The following TRIP12 variants were observed in gnomAD, a reference collection of about 807,000 sequenced individuals.
TRIP12 encodes the protein thyroid hormone receptor interactor 12, also known as E3 ubiquitin-protein ligase TRIP12.
A neutral mutation model predicts 244.2 loss-of-function variants in TRIP12; 25 were observed. The ratio of observed to expected loss-of-function variants is 0.10; its 90% CI spans 0.07 to 0.14. The LOEUF (loss-of-function observed/expected upper bound fraction) is 0.14, where lower values mean the gene tolerates loss of function less well. Among genes scored for constraint, TRIP12 ranks in the 10% least tolerant of loss-of-function variants. The pLI, the probability that TRIP12 is intolerant of heterozygous loss-of-function variation, is 1.00. For missense variants in TRIP12, 1,677 were observed against 2,486.4 expected (o/e 0.67, Z 6.92); for synonymous variants, 905 against 873.1 (o/e 1.04, Z -0.64).
chr2:229,867,926 C>T (rs2061869313), intron 2 of TRIP12, among the ~76,000 whole-genome samples: 1 of 152,190 alleles, frequency 6.6e-6, no homozygotes, highest in Non-Finnish European at 1.5e-5. Context: ...ACGGGTACTA[C>T]TAAGAATCAA....
intron 1 of TRIP12, among the ~76,000 whole-genome samples, chr2:229,908,863 G>A (rs1038364737): frequency 4.6e-5 from 7 of 151,932 alleles, no homozygotes; most frequent in African/African-American, 9.7e-5. Context: ...AGGCCGAGGC[G>A]GGCAGATCAC....
intron 1 of TRIP12, among the ~76,000 whole-genome samples, chr2:229,893,990 T>A (rs2068053537): frequency 6.6e-6 from 1 of 152,092 alleles, no homozygotes; most frequent in Non-Finnish European, 1.5e-5. Context: ...TGGCCATCTC[T>A]GCTAAAAATA....
chr2:229,852,605 A>G (rs1180103820), intron 4 of TRIP12, among the ~76,000 whole-genome samples: 1 of 152,216 alleles, frequency 6.6e-6, no homozygotes, highest in Admixed American at 6.5e-5. Flanking sequence ...TTGTTACATA[A>G]CAATTTTCTT....
At chr2:229,807,577 A>G in intron 17 of TRIP12, 131 bp downstream of exon 17, 1 of 1,193,074 alleles carries the variant, frequency 8.4e-7, no homozygotes. Flanking sequence ...TTCTCAGGAG[A>G]CAAAATGAGA....
intron 37 of TRIP12, among the ~76,000 whole-genome samples, chr2:229,775,310 A>G (rs1273911710): frequency 1.1e-4 from 16 of 151,488 alleles, no homozygotes; most frequent in Middle Eastern, 3.2e-3. Context: ...GCCTCTCTCC[A>G]TTTTAGGTGT....
chr2:229,863,294 T>G (rs2060780615), intron 2 of TRIP12, among the ~76,000 whole-genome samples: 1 of 150,978 alleles, frequency 6.6e-6, no homozygotes. Flanking sequence ...TTACCTAAAA[T>G]TATTTTAAAG....
intron 40 of TRIP12, 74 bp from the exon 41 acceptor site, chr2:229,768,793 A>C (rs2032944984): frequency 7.6e-7 from 1 of 1,320,594 alleles, no homozygotes; most frequent in South Asian, 1.4e-5. Flanking sequence ...GCATCGCATC[A>C]CATGACATAA....
At chr2:229,783,363 T>C (rs1308806169) in intron 34 of TRIP12, among the ~76,000 whole-genome samples, 1 of 152,208 alleles carries the variant, frequency 6.6e-6, no homozygotes, top group Non-Finnish European at 1.5e-5. Flanking sequence ...AAATATTTAC[T>C]ATCTGGTCCT....
Position 229,789,765 on chromosome 2 carries a change from A to G in TRIP12, c.4544-3T>C. 2 of 1,613,452 alleles carry G rather than the reference A, an allele frequency of 1.2e-6. No homozygotes were observed. The highest frequency in any genetic ancestry group is 1.7e-6 in the Non-Finnish European group (2 of 1,179,674). ...TGATACTGATGGGCACACTCCATCT[A>G]AAGGACAAAAGATCAAAGTAAGTTT... is the stretch of plus-strand genomic sequence containing the variant. On this transcript the variant is annotated splice_region_variant and splice_polypyrimidine_tract_variant and intron_variant, in intron 30 of 41. Coordinates refer to ENST00000675903, the MANE Select transcript of TRIP12 (RefSeq NM_001348323.3).
At position 229,788,912 on chromosome 2, in the gene TRIP12, G is replaced by A; in HGVS notation, c.4724C>T (p.Thr1575Ile). The A allele has an allele frequency of 6.2e-7, 1 of 1,611,980 alleles. No individual in the cohort carries two copies. Among genetic ancestry groups the A allele is most frequent in the Admixed American group, 1.7e-5 (1 of 59,844 alleles). ...DNAMCKEIIP[T>I]SEFINSKLTA... Reference sequence around the variant, plus strand: ...TAACTTACTGTTAATAAATTCACTAGTTGGAATAATTTCCTTGCACATTGC... The same window carrying A: ...TAACTTACTGTTAATAAATTCACTAATTGGAATAATTTCCTTGCACATTGC... Residue 1575 changes from threonine to isoleucine, a missense_variant, in exon 32 of 42, where the codon ACT becomes ATT. Transcript: ENST00000675903.
At chr2:229,851,469 T>C (rs1418382725) in intron 4 of TRIP12, among the ~76,000 whole-genome samples, 2 of 152,044 alleles carry the variant, frequency 1.3e-5, no homozygotes, top group Non-Finnish European at 2.9e-5. Context: ...ACCACTCGGC[T>C]CTACCAATCA....
chr2:229,908,243 G>A (rs1478898645), intron 1 of TRIP12, among the ~76,000 whole-genome samples: 8 of 152,132 alleles, frequency 5.3e-5, no homozygotes, highest in Admixed American at 5.2e-4. Context: ...GACTGACCTA[G>A]ATCATTAGAC....
intron 8 of TRIP12, among the ~76,000 whole-genome samples, chr2:229,823,040 AC>A (rs976580673): frequency 2.0e-4 from 30 of 152,300 alleles, no homozygotes; most frequent in African/African-American, 7.0e-4. Context: ...TGAAAACAAA[AC>A]CAAAAATAAA....
chr2:229,897,235 T>C lies in TRIP12; in HGVS notation c.-49-17107A>G, dbSNP rs563060364. Among the ~76,000 whole-genome samples the C allele has an allele frequency of 3.3e-5, 5 of 152,360 alleles. No homozygotes were observed. The East Asian group carries it at 7.7e-4, about 23-fold the overall frequency. On this transcript the variant is annotated intron_variant, in intron 1 of 41. Transcript: ENST00000675903. ...TCCAGTGACACTGCAATTCTCAATT[T>C]ATATACACTTCATTTATATACAAGG...
chr2:229,809,456 A>C (rs2046715341), intron 15 of TRIP12, among the ~76,000 whole-genome samples: 1 of 152,188 alleles, frequency 6.6e-6, no homozygotes, highest in Admixed American at 6.5e-5. Context: ...AAAGAGGTGA[A>C]CATATACTAA....
At chr2:229,772,739 A>G (rs1022445388) in intron 38 of TRIP12, among the ~76,000 whole-genome samples, 5 of 151,982 alleles carry the variant, frequency 3.3e-5, no homozygotes, top group Non-Finnish European at 7.4e-5. Flanking sequence ...TGGGATTACA[A>G]GTGTGAGCCA....
chr2:229,774,166 G>C lies in TRIP12; in HGVS notation c.5625C>G (p.Pro1875=). The C allele has an allele frequency of 6.2e-7, 1 of 1,614,046 alleles. No individual in the cohort carries two copies. The highest frequency in any genetic ancestry group is 1.1e-5 in the South Asian group (1 of 91,074). ...TCCCTCCTTTCTTCAGTTCGATATT[G>C]GGAAACCCTGGCAGAGTGAAATCCA... is the stretch of plus-strand genomic sequence containing the variant. ...LGLDFTLPGF[P]NIELKKGGKD... is the part of the protein sequence containing the mutation. The change falls in exon 38 of 42, where the codon CCC becomes CCG. Residue 1875 remains proline, a synonymous_variant. Transcript: ENST00000675903.
chr2:229,917,036 T>C (rs184025672), intron 1 of TRIP12, among the ~76,000 whole-genome samples: 2 of 152,098 alleles, frequency 1.3e-5, no homozygotes, highest in African/African-American at 2.4e-5. Flanking sequence ...GATACACAAG[T>C]ACCAAAAGAA....
chr2:229,853,391 T>C (rs950575762), intron 4 of TRIP12, among the ~76,000 whole-genome samples: 1 of 152,168 alleles, frequency 6.6e-6, no homozygotes, highest in Non-Finnish European at 1.5e-5. Flanking sequence ...CCCTGATGCA[T>C]ACAAAAGCCC....
Sources: allele counts gnomAD v4.1 joint callset (sites outside exome capture counted in the v4.1 genomes callset), GRCh38; gene constraint gnomAD v4.1.1; transcripts MANE v1.5; gene names NCBI Gene and HGNC (gene_info 2026-07-23, HGNC 2026-07-21).